RINT1: variants seen among roughly 807,000 people sequenced by gnomAD.
The protein encoded by RINT1 is RAD50-interacting protein 1.
A neutral mutation model predicts 97.7 loss-of-function variants in RINT1; 75 were observed. That is an observed-to-expected ratio of 0.77 (90% CI 0.64 to 0.93). The LOEUF is 0.93. RINT1 is among the 40% of genes least tolerant of loss of function. The pLI is 0.00. For synonymous variants in RINT1, 303 were observed against 326.3 expected, an observed-to-expected ratio of 0.93 and a Z score of 0.77; for missense variants, 892 against 925.2, an observed-to-expected ratio of 0.96 and a Z score of 0.47.
rs142939057 is a variant in RINT1, at chr7:105,544,591, C to T, written c.515+1942C>T. Among the ~76,000 whole-genome samples, 885 of 152,042 alleles carry T rather than the reference C, an allele frequency of 5.8e-3. 7 individuals carry two copies. The highest frequency in any genetic ancestry group is 0.019 in the African/African-American group (788 of 41,510). The stretch of plus-strand genomic sequence containing the variant: ...CTAGGACTACAGGTGTATGCCACCA[C>T]GCCCAGCTAATTTTTGTATTTTTAG... On this transcript the variant is annotated intron_variant, in intron 4 of 14. Transcript: ENST00000257700.
At chr7:105,560,583 G>C (rs1251273355) in intron 11 of RINT1, among the ~76,000 whole-genome samples, 1 of 152,070 alleles carries the variant, frequency 6.6e-6, no homozygotes, top group Admixed American at 6.6e-5. Flanking sequence ...TGGTTTGTTC[G>C]TTATCCATGA....
chr7:105,535,073 A>C (rs1790171181), intron 2 of RINT1, among the ~76,000 whole-genome samples: 1 of 152,074 alleles, frequency 6.6e-6, no homozygotes, highest in African/African-American at 2.4e-5. Flanking sequence ...CAGGTAGTTT[A>C]TTTGCCATGG....
chr7:105,548,073 G>A (rs1276719685), intron 6 of RINT1, among the ~76,000 whole-genome samples: 5 of 151,690 alleles, frequency 3.3e-5, no homozygotes, highest in Admixed American at 6.6e-5. Flanking sequence ...TGTCACCCAG[G>A]CTGAAGTGCA....
intron 10 of RINT1, among the ~76,000 whole-genome samples, 199 bp from the exon 11 acceptor site, chr7:105,554,829 T>G (rs1706902): frequency 0.16 from 23,915 of 152,188 alleles, 3,363 homozygotes; most frequent in African/African-American, 0.38. Flanking sequence ...CAGATCTTAT[T>G]TGTATTGTTC....
intron 14 of RINT1, among the ~76,000 whole-genome samples, chr7:105,566,147 G>C (rs762494686): frequency 4.0e-5 from 6 of 151,566 alleles, no homozygotes; most frequent in Non-Finnish European, 7.4e-5. Flanking sequence ...GCCTGGTGGC[G>C]GGCACCTGTA....
Position 105,542,439 on chromosome 7 carries a change from G to T in RINT1, c.305G>T (p.Arg102Ile). The T allele has an allele frequency of 1.2e-6, 2 of 1,611,166 alleles. No individual in the cohort carries two copies. Among genetic ancestry groups the T allele is most frequent in the South Asian group, 1.1e-5 (1 of 90,866 alleles). Residue 102 changes from arginine (R) to isoleucine (I), a missense_variant, in exon 4 of 15, where the codon AGA becomes ATA. Physicochemically the swap from Arg to Ile is moderately conservative, Grantham distance 97. Transcript: ENST00000257700. The stretch of plus-strand genomic sequence containing the variant: ...ACAATTTCATCAGAAATTCCTAAAA[G>T]AATTCGAAGTGCCTTAAAAAATGCA... ...VLTISSEIPK[R>I]IRSALKNAEE... is the part of the protein sequence containing the mutation.
chr7:105,537,032 A>G (rs1445924651), intron 3 of RINT1, among the ~76,000 whole-genome samples: 2 of 152,038 alleles, frequency 1.3e-5, no homozygotes, highest in Admixed American at 6.6e-5. Context: ...ATCTGTTTCT[A>G]GTGAACATAC....
chr7:105,553,282 A>G (rs896867046), intron 10 of RINT1, among the ~76,000 whole-genome samples: 34 of 150,866 alleles, frequency 2.3e-4, no homozygotes, highest in Non-Finnish European at 4.6e-4. Flanking sequence ...CTGGAGTGCA[A>G]TGGCGCAATC....
chr7:105,550,247 G>T lies in RINT1; in HGVS notation c.1108-14G>T. On this transcript the variant is annotated splice_polypyrimidine_tract_variant and intron_variant, in intron 8 of 14. Transcript: ENST00000257700. ...CTTTTTATTTACATACCTCATGTTT[G>T]TGTATTTTTTTAGCTTGAATTTTCT... 2 of 1,612,256 alleles carry T rather than the reference G, an allele frequency of 1.2e-6. No homozygotes were observed. Among genetic ancestry groups the T allele is most frequent in the Non-Finnish European group, 1.7e-6 (2 of 1,178,542 alleles).
chr7:105,547,422 A>G (rs1294090981), intron 6 of RINT1, 89 bp downstream of exon 6: 10 of 1,299,572 alleles, frequency 7.7e-6, no homozygotes, highest in Non-Finnish European at 1.1e-5. Context: ...CAAAGTGGCC[A>G]AGAAAGCCAA....
At chr7:105,551,513 A>C in intron 9 of RINT1, 57 bp from the exon 10 acceptor site, 1 of 1,423,960 alleles carries the variant, frequency 7.0e-7, no homozygotes, top group Non-Finnish European at 9.4e-7. Flanking sequence ...TACAAGTTGA[A>C]TAATTAGGAA....
At chr7:105,560,967 G>A (rs918905711) in intron 11 of RINT1, among the ~76,000 whole-genome samples, 3 of 151,794 alleles carry the variant, frequency 2.0e-5, no homozygotes, top group Non-Finnish European at 4.4e-5. Flanking sequence ...GTGATCCGCC[G>A]CCCCGGGCTC....
At chr7:105,549,411 T>C (rs4428606) in intron 7 of RINT1, among the ~76,000 whole-genome samples, 151,049 of 152,062 alleles carry the variant, frequency 0.99, 75,023 homozygotes, top group Middle Eastern at 1. Flanking sequence ...CGCAATGGTG[T>C]GATCTCGGCT....
rs1479513522 is a variant in RINT1 at position 105,567,424 on chromosome 7, ATTAC to A, written c.*117_*120del. On this transcript the variant is annotated 3_prime_UTR_variant, in exon 15 of 15. Transcript: ENST00000257700. ...TAATGAAACTGGAAAACTTTATAGA[ATTAC>A]TTATTATCTTGGATTTATGGTGTTA... is the stretch of plus-strand genomic sequence containing the variant. The A allele has an allele frequency of 1.3e-6, 1 of 770,478 alleles. No individual in the cohort carries two copies. The highest frequency in any genetic ancestry group is 2.2e-6 in the Non-Finnish European group (1 of 452,714). The allele number at this position is 770,478 out of a possible 1,614,324, so 47.7% of individuals were successfully genotyped here. A position where few individuals can be genotyped will look rare whatever the true frequency, so the allele number is the denominator to read the frequency against.
chr7:105,567,232 T>C lies in RINT1; in HGVS notation c.2300T>C (p.Val767Ala), dbSNP rs1791803926. ...CCTGCCACAGCAGCATTAAATGAAG[T>C]TGGAATTTACAAACTGGCTCAACAA... ...QLPATAALNE[V>A]GIYKLAQQDV... Residue 767 changes from valine to alanine, a missense_variant, in exon 15 of 15, where the codon GTT (valine) becomes GCT (alanine). By Grantham distance (64) the Val-to-Ala change is moderately conservative. Transcript: ENST00000257700. 1.2e-6 allele frequency: 2 copies of C among 1,613,612 alleles called. No individual in the cohort carries two copies. Among genetic ancestry groups the C allele is most frequent in the Admixed American group, 1.7e-5 (1 of 59,878 alleles).
rs773758903 is a variant in RINT1, at chr7:105,542,393, T to A, written c.274-15T>A. 3.3e-5 allele frequency: 51 copies of A among 1,529,102 alleles called. No homozygotes were observed. In the Middle Eastern group the frequency reaches 7.0e-4, roughly 21 times the overall value. 94.7% of individuals were successfully genotyped at this position (1,529,102 alleles called of 1,614,324 possible). Reference sequence around the variant, plus strand: ...TGCTGTTCTTTCTTTCTTTCTTTTTTAAAATTATGGTCAGGTACTTACAAT... The same window carrying A: ...TGCTGTTCTTTCTTTCTTTCTTTTTAAAAATTATGGTCAGGTACTTACAAT... On this transcript the variant is annotated splice_polypyrimidine_tract_variant and intron_variant, in intron 3 of 14. Transcript: ENST00000257700.
intron 11 of RINT1, among the ~76,000 whole-genome samples, chr7:105,559,540 CAAAAAAAAAAAAAAAAAA>C (rs60718751): frequency 1.7e-5 from 1 of 59,018 alleles, no homozygotes; most frequent in Non-Finnish European, 2.9e-5. Flanking sequence ...GACTCTGTCT[CAAAAAAAAAAAAAAAAAA>C]AAAAAAAAAA....
At position 105,547,100 on chromosome 7, in the gene RINT1, T is replaced by C. The variant is rs1241328540; in HGVS notation, c.689+17T>C. On this transcript the variant is annotated intron_variant, in intron 5 of 14. Coordinates refer to ENST00000257700, the MANE Select transcript of RINT1 (RefSeq NM_021930.6). ...GCTTACAAGGTAGGGAATTTACCCA[T>C]ATTTTGTGGTAATTGCTTTCCGATG... The C allele has an allele frequency of 1.9e-6, 3 of 1,613,042 alleles. No homozygotes were observed. Among genetic ancestry groups the C allele is most frequent in the Admixed American group, 3.3e-5 (2 of 59,944 alleles).
At chr7:105,549,255 G>T (rs903883181) in intron 7 of RINT1, among the ~76,000 whole-genome samples, 6 of 152,082 alleles carry the variant, frequency 3.9e-5, no homozygotes, top group African/African-American at 1.4e-4. Context: ...CCAAAGTGCT[G>T]GGATTACAGG....
Sources: allele counts gnomAD v4.1 joint callset (sites outside exome capture counted in the v4.1 genomes callset), GRCh38; gene constraint gnomAD v4.1.1; transcripts MANE v1.5; gene names NCBI Gene and HGNC (gene_info 2026-07-23, HGNC 2026-07-21).